RAPGEF3: variants seen among roughly 807,000 people sequenced by gnomAD.
RAPGEF3 encodes 9330170P05Rik.
Under a neutral mutation model 129.8 loss-of-function variants are expected in RAPGEF3, and 103 were observed. The ratio of observed to expected loss-of-function variants is 0.79; its 90% CI spans 0.68 to 0.93. The LOEUF (loss-of-function observed/expected upper bound fraction) is 0.93. Among genes scored for constraint, RAPGEF3 ranks in the 40% least tolerant of loss-of-function variants. The pLI, the probability that RAPGEF3 is intolerant of heterozygous loss-of-function variation, is 0.00. For missense variants in RAPGEF3, 1,117 were observed against 1,207.4 expected (o/e 0.93, Z 1.11); for synonymous variants, 436 against 482.6 (o/e 0.90, Z 1.26).
intron 25 of RAPGEF3, 72 bp from the exon 26 acceptor site, chr12:47,738,319 A>G: frequency 6.3e-7 from 1 of 1,576,134 alleles, no homozygotes; most frequent in Non-Finnish European, 8.7e-7. Flanking sequence ...AGCAGCAGGG[A>G]GGCCAAGCTC....
At chr12:47,744,993 C>G (rs376663988) in intron 16 of RAPGEF3, 2 of 152,570 alleles carry the variant, frequency 1.3e-5, no homozygotes, top group Non-Finnish European at 2.9e-5. Flanking sequence ...ATATACCCAT[C>G]GGATCCTTGC....
In RAPGEF3 at chr12:47,748,840, G is replaced by A. The variant is rs529387182; in HGVS notation, c.1133C>T (p.Pro378Leu). The A allele has an allele frequency of 3.1e-6, 5 of 1,613,476 alleles. No homozygotes were observed. The highest frequency in any genetic ancestry group is 1.1e-5 in the South Asian group (1 of 91,072). ...TTACCGGTTCCTGCCTGGGGTTGGG[G>A]GTCGGGAAGGGCCGGCGCCCTGAGA... is the stretch of plus-strand genomic sequence containing the variant. Reference protein sequence around the residue: ...RASQGAGPSRPPTPGRNRYTV... With the variant: ...RASQGAGPSRLPTPGRNRYTV... The change falls in exon 11 of 28, where the codon CCC becomes CTC. Residue 378 changes from proline (P) to leucine (L), a missense_variant. Physicochemically the swap from Pro to Leu is moderately conservative, Grantham distance 98 (BLOSUM62 -3). Around this residue, in one of 3 missense-constraint regions of RAPGEF3, gnomAD observed 107 missense variants for 160.7 expected, o/e 0.67. Transcript: ENST00000449771.
intron 6 of RAPGEF3, 45 bp from the exon 7 acceptor site, chr12:47,750,470 C>G (rs376015138): frequency 1.3e-6 from 2 of 1,547,682 alleles, no homozygotes; most frequent in Non-Finnish European, 1.8e-6. Flanking sequence ...ACTGTGGGCC[C>G]GTCAGGTGCA....
At position 47,737,631 on chromosome 12, in the gene RAPGEF3, T is replaced by A. The variant is rs762843965; in HGVS notation, c.2708A>T (p.Gln903Leu). The A allele has an allele frequency of 1.2e-6, 2 of 1,612,166 alleles. No homozygotes were observed. The highest frequency in any genetic ancestry group is 2.2e-5 in the South Asian group (2 of 90,430). The part of the protein sequence containing the change: ...RSPASTWAYV[Q>L]QLKVIDNQRE... ...CTGGTTGTCAATGACCTTCAGCTGC[T>A]GGACATAAGCCCAGGTGCTGGCTGG... is the stretch of plus-strand genomic sequence containing the variant. The change falls in exon 28 of 28, where the codon CAG becomes CTG. Residue 903 changes from glutamine to leucine, a missense_variant. Physicochemically the swap from Gln to Leu is moderately radical, Grantham distance 113. This residue lies in a region of RAPGEF3 where 643 missense variants were observed against 673.4 expected (regional missense o/e 0.95). Coordinates refer to ENST00000449771, the MANE Select transcript of RAPGEF3 (RefSeq NM_001098531.4).
chr12:47,738,664 T>G (rs755290062), intron 25 of RAPGEF3, 26 bp downstream of exon 25: 34 of 1,564,492 alleles, frequency 2.2e-5, no homozygotes, highest in Non-Finnish European at 2.9e-5. Flanking sequence ...ATGTTAGTAG[T>G]GAATGCCTGC....
chr12:47,752,071 A>G (rs1941786359), intron 2 of RAPGEF3, 102 bp from the exon 3 acceptor site: 1 of 1,244,440 alleles, frequency 8.0e-7, no homozygotes, highest in African/African-American at 1.5e-5. Context: ...CTAGGCCCCA[A>G]CCCCAAATGC....
chr12:47,751,846 G>T lies in RAPGEF3; in HGVS notation c.274-17C>A, dbSNP rs1038779356. ...TGTGGAGGCCTTAGAGGGAGGAAGG[G>T]CACAGCAGTTCAGGCTCTGAACCCC... On this transcript the variant is annotated splice_polypyrimidine_tract_variant and intron_variant, in intron 3 of 27. Coordinates refer to ENST00000449771, the MANE Select transcript of RAPGEF3 (RefSeq NM_001098531.4). 19 of 1,613,974 alleles carry T rather than the reference G, an allele frequency of 1.2e-5. No homozygotes were observed. The highest frequency in any genetic ancestry group is 1.6e-5 in the Non-Finnish European group (19 of 1,179,968).
At chr12:47,739,777 C>T in intron 23 of RAPGEF3, 1 of 409,156 alleles carries the variant, frequency 2.4e-6, no homozygotes, top group Non-Finnish European at 4.6e-6. Context: ...CCCTGGTGCA[C>T]ACAGGCGCTC....
chr12:47,751,641 G>T, intron 4 of RAPGEF3, 82 bp downstream of exon 4: 2 of 1,598,726 alleles, frequency 1.3e-6, no homozygotes. Flanking sequence ...TAGAAGCAGG[G>T]TGAGGCCCAG....
rs767993156 is a variant in RAPGEF3, at chr12:47,744,040, T to G, written c.1625A>C (p.Asn542Thr). ...GCTGCCAGGAAGGGGCTCGTCCTGGTTGGGGAGCCAAACAGGCAAGTTCCG... is the reference window on the plus strand; with the variant it reads ...GCTGCCAGGAAGGGGCTCGTCCTGGGTGGGGAGCCAAACAGGCAAGTTCCG... The part of the protein sequence containing the change: ...KARNLPVWLP[N>T]QDEPLPGSSC... The change falls in exon 17 of 28, where the codon AAC becomes ACC. Residue 542 changes from asparagine (N) to threonine (T), a missense_variant. By Grantham distance (65) the Asn-to-Thr change is moderately conservative (BLOSUM62 0). Coordinates refer to ENST00000449771, the MANE Select transcript of RAPGEF3 (RefSeq NM_001098531.4). 1 of 1,611,104 alleles carries G rather than the reference T, an allele frequency of 6.2e-7. No individual in the cohort carries two copies. The highest frequency in any genetic ancestry group is 1.3e-5 in the African/African-American group (1 of 74,906).
Position 47,757,937 on chromosome 12 carries a change from G to A in RAPGEF3, c.148C>T (p.Arg50Trp), listed in dbSNP as rs145368111. ...AGCTGGTAGGAGCAGCTTCGGGGCC[G>A]GTGCATCCTTCTCAACACCATGTTG... ...LLNMVLRRMH[R>W]PRSCSYQLLL... The change falls in exon 2 of 28, where the codon CGG becomes TGG. Residue 50 changes from arginine to tryptophan, a missense_variant. Arg to Trp is a moderately radical substitution (Grantham distance 101). Around this residue, in one of 3 missense-constraint regions of RAPGEF3, gnomAD observed 367 missense variants for 373.4 expected, o/e 0.98. Coordinates refer to ENST00000449771, the MANE Select transcript of RAPGEF3 (RefSeq NM_001098531.4). The A allele has an allele frequency of 1.5e-5, 23 of 1,557,366 alleles. No individual in the cohort carries two copies. Among genetic ancestry groups the A allele is most frequent in the African/African-American group, 1.2e-4 (9 of 73,546 alleles).
chr12:47,753,791 A>C (rs957704305), intron 2 of RAPGEF3: 2 of 152,234 alleles, frequency 1.3e-5, no homozygotes, highest in African/African-American at 2.4e-5. Context: ...CCCACAACCC[A>C]GGCTCCAGCA....
At chr12:47,741,723 G>A (rs1289421765) in intron 18 of RAPGEF3, 121 bp from the exon 19 acceptor site, 13 of 796,864 alleles carry the variant, frequency 1.6e-5, no homozygotes, top group Middle Eastern at 3.5e-4. Context: ...TAGCGGGGTT[G>A]AAGTCCTGGG....
intron 18 of RAPGEF3, among the ~76,000 whole-genome samples, chr12:47,742,718 G>A (rs549243170): frequency 6.6e-6 from 1 of 152,268 alleles, no homozygotes; most frequent in African/African-American, 2.4e-5. Flanking sequence ...TACAATTACA[G>A]TCCTCATCTG....
chr12:47,750,453 A>T, intron 6 of RAPGEF3, 28 bp from the exon 7 acceptor site: 1 of 1,591,832 alleles, frequency 6.3e-7, no homozygotes, highest in Non-Finnish European at 8.6e-7. Flanking sequence ...ATGGGAGCAC[A>T]CTGTGAACTG....
chr12:47,750,425 G>T lies in RAPGEF3; in HGVS notation c.672C>A (p.Pro224=), dbSNP rs969128374. The T allele has an allele frequency of 3.1e-6, 5 of 1,612,568 alleles. No individual in the cohort carries two copies. In the Admixed American group the frequency reaches 5.0e-5, roughly 16 times the overall value. Residue 224 remains proline, a splice_region_variant and synonymous_variant, in exon 7 of 28, where the codon CCC becomes CCA. Transcript: ENST00000449771. ...GCTCTTCATCCGTGCGCTGACCTGGGCTGCAGGGACAGGAGGAATGGGAGC... is the reference window on the plus strand; with the variant it reads ...GCTCTTCATCCGTGCGCTGACCTGGTCTGCAGGGACAGGAGGAATGGGAGC... ...DALLTVALRK[P]PGQRTDEELD...
At position 47,741,199 on chromosome 12, in the gene RAPGEF3, G is replaced by A. The variant is rs1018204348; in HGVS notation, c.1924-159C>T. ...GGGTCTCTAGGGGCTATAGCAGCTGGAGGATAGGGCTCCCCAGTGCTGAGA... is the reference window on the plus strand; with the variant it reads ...GGGTCTCTAGGGGCTATAGCAGCTGAAGGATAGGGCTCCCCAGTGCTGAGA... On this transcript the variant is annotated intron_variant, in intron 19 of 27. Transcript: ENST00000449771. 4 of 972,912 alleles carry A rather than the reference G, an allele frequency of 4.1e-6. No individual in the cohort carries two copies. The African/African-American group carries it at 6.6e-5, about 16-fold the overall frequency. 60.3% of individuals were successfully genotyped at this position (972,912 alleles called of 1,614,324 possible).
At chr12:47,740,255 G>A in intron 22 of RAPGEF3, 50 bp downstream of exon 22, 1 of 1,612,188 alleles carries the variant, frequency 6.2e-7, no homozygotes, top group Non-Finnish European at 8.5e-7. Context: ...AGCACTCCCA[G>A]GAGGGCCTGA....
At chr12:47,739,308 C>T in intron 23 of RAPGEF3, 78 bp from the exon 24 acceptor site, 1 of 1,116,660 alleles carries the variant, frequency 9.0e-7, no homozygotes, top group Non-Finnish European at 1.4e-6. Flanking sequence ...GGAGGGGCCA[C>T]ATGCCCATCC....
Sources: gnomAD v4.1 joint callset for allele counts (sites outside exome capture counted in the v4.1 genomes callset) on GRCh38, gnomAD v4.1.1 for gene constraint, gnomAD v4.1.1 regional missense constraint, MANE v1.5 for transcripts, NCBI Gene and HGNC (gene_info 2026-07-23, HGNC 2026-07-21) for gene names.